SLC44A1: variants seen among roughly 807,000 people sequenced by gnomAD.
SLC44A1 encodes the protein choline transporter-like protein 1.
In SLC44A1, 26 loss-of-function variants were observed where a neutral mutation model predicts 79.3. The observed-to-expected ratio is 0.33, with a 90% confidence interval of 0.24 to 0.46. SLC44A1 has a LOEUF of 0.46. SLC44A1 is among the 20% of genes least tolerant of loss of function. The pLI, the probability that SLC44A1 is intolerant of heterozygous loss-of-function variation, is 1.00. For synonymous variants in SLC44A1, 263 were observed against 286.2 expected (o/e 0.92, Z 0.82); for missense variants, 688 against 798.1 (o/e 0.86, Z 1.66).
In SLC44A1 at chr9:105,434,618, G is replaced by A. The variant is rs143399894; in HGVS notation, c.1951-3663G>A. Among the ~76,000 whole-genome samples, 400 of 152,286 alleles carry A rather than the reference G, an allele frequency of 2.6e-3. 1 individual carries two copies. Among genetic ancestry groups the A allele is most frequent in the Non-Finnish European group, 4.9e-3 (333 of 68,006 alleles). On this transcript the variant is annotated intron_variant, in intron 15 of 15. Transcript: ENST00000374724. ...TAGATGTAGTCTTGGACTTTAAGAT[G>A]GAGAAGGATGTTCTGGGCTCCCAAG...
chr9:105,244,947 C>T lies in SLC44A1; in HGVS notation c.36+43C>T, dbSNP rs1453275925. The T allele has an allele frequency of 6.5e-6, 7 of 1,085,188 alleles. No individual in the cohort carries two copies. In the Admixed American group the frequency reaches 1.4e-4, roughly 22 times the overall value. The allele number at this position is 1,085,188 out of a possible 1,614,324, so 67.2% of individuals were successfully genotyped here. A position where few individuals can be genotyped will look rare whatever the true frequency, so the allele number is the denominator to read the frequency against. ...CCCGGCCGCCCGCCCGGATGCCTCC[C>T]GTGCGCCGCGTCGCGCGGCGGGCGC... On this transcript the variant is annotated intron_variant, in intron 1 of 15. Coordinates refer to ENST00000374720, the MANE Select transcript of SLC44A1 (RefSeq NM_080546.5).
intron 4 of SLC44A1, among the ~76,000 whole-genome samples, chr9:105,344,622 T>C (rs1164844492): frequency 6.6e-6 from 1 of 152,198 alleles, no homozygotes; most frequent in Non-Finnish European, 1.5e-5. Flanking sequence ...ACATAAGATA[T>C]TAAAAACAGT....
At chr9:105,409,992 C>A (rs1829074995) in intron 15 of SLC44A1, among the ~76,000 whole-genome samples, 1 of 151,994 alleles carries the variant, frequency 6.6e-6, no homozygotes, top group Non-Finnish European at 1.5e-5. Flanking sequence ...AGATTTAAAT[C>A]ATATAAAGTA....
chr9:105,279,270 C>T (rs945282639), intron 1 of SLC44A1, among the ~76,000 whole-genome samples: 2 of 149,638 alleles, frequency 1.3e-5, no homozygotes, highest in Non-Finnish European at 3.0e-5. Context: ...TTTGAAAAAG[C>T]TCAACATCTA....
At chr9:105,251,287 G>A (rs1829580677) in intron 1 of SLC44A1, among the ~76,000 whole-genome samples, 1 of 152,138 alleles carries the variant, frequency 6.6e-6, no homozygotes, top group South Asian at 2.1e-4. Flanking sequence ...CTCGAGTCCT[G>A]TAGGGAACCT....
At chr9:105,373,624 T>TG (rs148667870) in intron 12 of SLC44A1, among the ~76,000 whole-genome samples, 7,464 of 152,242 alleles carry the variant, frequency 0.049, 239 homozygotes, top group South Asian at 0.11. Flanking sequence ...CTTCTATAAC[T>TG]GAAAAGTTCA....
intron 3 of SLC44A1, among the ~76,000 whole-genome samples, chr9:105,334,153 T>G (rs1443502033): frequency 6.6e-6 from 1 of 152,060 alleles, no homozygotes; most frequent in Non-Finnish European, 1.5e-5. Context: ...CTAAACCTCA[T>G]CTTTCTGCCT....
intron 1 of SLC44A1, among the ~76,000 whole-genome samples, chr9:105,293,488 G>C (rs1830649627): frequency 6.6e-6 from 1 of 152,160 alleles, no homozygotes; most frequent in Non-Finnish European, 1.5e-5. Context: ...AACTCTTTTT[G>C]TATGTAATCT....
At chr9:105,426,117 G>C (rs1829319130) in intron 15 of SLC44A1, among the ~76,000 whole-genome samples, 1 of 152,158 alleles carries the variant, frequency 6.6e-6, no homozygotes, top group African/African-American at 2.4e-5. Context: ...AGATGATGGG[G>C]ACATATAGGA....
At chr9:105,405,201 A>G (rs1296691530) in intron 15 of SLC44A1, among the ~76,000 whole-genome samples, 1 of 152,054 alleles carries the variant, frequency 6.6e-6, no homozygotes, top group East Asian at 1.9e-4. Flanking sequence ...GGCACCTGCA[A>G]TCCCAGCTAC....
chr9:105,342,972 C>G (rs1553873), intron 4 of SLC44A1, among the ~76,000 whole-genome samples: 6,819 of 140,564 alleles, frequency 0.049, 210 homozygotes, highest in South Asian at 0.1. Flanking sequence ...AGATCCTTGT[C>G]TCTAAAAAAA....
chr9:105,249,214 T>C (rs1829523937), intron 1 of SLC44A1, among the ~76,000 whole-genome samples: 1 of 152,258 alleles, frequency 6.6e-6, no homozygotes, highest in South Asian at 2.1e-4. Flanking sequence ...TGCTGGTTAA[T>C]ATTTGCATAT....
At chr9:105,413,653 T>G (rs1374291899) in intron 15 of SLC44A1, among the ~76,000 whole-genome samples, 1 of 152,226 alleles carries the variant, frequency 6.6e-6, no homozygotes, top group Non-Finnish European at 1.5e-5. Context: ...TTTAAGCCAC[T>G]ATAATAGGTT....
intron 12 of SLC44A1, among the ~76,000 whole-genome samples, chr9:105,373,059 G>A (rs754277353): frequency 6.6e-6 from 1 of 152,062 alleles, no homozygotes; most frequent in African/African-American, 2.4e-5. Context: ...ATAATGGCAA[G>A]TTAAATTTTT....
intron 15 of SLC44A1, among the ~76,000 whole-genome samples, chr9:105,428,473 A>G (rs1829350505): frequency 6.6e-6 from 1 of 152,160 alleles, no homozygotes; most frequent in Non-Finnish European, 1.5e-5. Flanking sequence ...AGACTCTGTG[A>G]TCAACCACAT....
chr9:105,342,999 T>A (rs998689729), intron 4 of SLC44A1, among the ~76,000 whole-genome samples: 1 of 150,446 alleles, frequency 6.6e-6, no homozygotes, highest in Non-Finnish European at 1.5e-5. Context: ...TATATATATA[T>A]AAATAAATAG....
chr9:105,307,734 T>C (rs574750483), intron 2 of SLC44A1, among the ~76,000 whole-genome samples: 14 of 152,262 alleles, frequency 9.2e-5, no homozygotes, highest in African/African-American at 3.4e-4. Flanking sequence ...GCACAGGGCT[T>C]CCTAATTTGG....
intron 3 of SLC44A1, among the ~76,000 whole-genome samples, chr9:105,314,880 A>G (rs1392451628): frequency 1.3e-5 from 2 of 152,252 alleles, no homozygotes; most frequent in African/African-American, 2.4e-5. Flanking sequence ...TTTAAAATGT[A>G]TGTGCTAAAA....
intron 1 of SLC44A1, among the ~76,000 whole-genome samples, chr9:105,252,569 GT>G (rs1829614139): frequency 6.6e-6 from 1 of 152,168 alleles, no homozygotes; most frequent in African/African-American, 2.4e-5. Context: ...AAAGGTGTAA[GT>G]TACTGGGTCA....
Sources: allele counts gnomAD v4.1 joint callset (sites outside exome capture counted in the v4.1 genomes callset), GRCh38; gene constraint gnomAD v4.1.1; transcripts MANE v1.5; gene names NCBI Gene and HGNC (gene_info 2026-07-23, HGNC 2026-07-21).